GRIA2: variants seen among roughly 807,000 people sequenced by gnomAD.
GRIA2 encodes the protein glutamate receptor 2.
Under a neutral mutation model 97.3 loss-of-function variants are expected in GRIA2, and 14 were observed. The observed-to-expected ratio is 0.14, with a 90% CI of 0.10 to 0.23. The LOEUF is 0.23. Ranked by LOEUF, GRIA2 falls within the 10% of genes least tolerant of loss-of-function variation. The pLI is 1.00. For synonymous variants in GRIA2, 412 were observed against 387.8 expected (o/e 1.06, Z -0.73); for missense variants, 558 against 1,069.8 (o/e 0.52, Z 6.67).
intron 2 of GRIA2, among the ~76,000 whole-genome samples, chr4:157,234,022 T>C (rs910713396): frequency 6.6e-6 from 1 of 152,164 alleles, no homozygotes; most frequent in Admixed American, 6.6e-5. Context: ...GCTAGTATAT[T>C]TGAATAAACA....
At chr4:157,273,635 G>A (rs1235898562) in intron 2 of GRIA2, among the ~76,000 whole-genome samples, 1 of 151,936 alleles carries the variant, frequency 6.6e-6, no homozygotes, top group Non-Finnish European at 1.5e-5. Flanking sequence ...ACTGAGGAAA[G>A]AATATCTGAA....
intron 12 of GRIA2, among the ~76,000 whole-genome samples, chr4:157,344,711 G>C (rs1735698595): frequency 6.6e-6 from 1 of 151,626 alleles, no homozygotes. Context: ...TTATATTATT[G>C]TTAAATTTTC....
chr4:157,317,633 ATAAT>A, intron 4 of GRIA2, 21 bp from the exon 5 acceptor site: 1 of 851,222 alleles, frequency 1.2e-6, no homozygotes, highest in Non-Finnish European at 1.9e-6. Flanking sequence ...TATTAATTAA[ATAAT>A]TACTTATTTG....
chr4:157,314,102 A>C (rs1005419365), intron 4 of GRIA2, among the ~76,000 whole-genome samples: 1 of 152,106 alleles, frequency 6.6e-6, no homozygotes, highest in African/African-American at 2.4e-5. Flanking sequence ...GTGGAAGAAA[A>C]TCCATGTATA....
chr4:157,352,614 G>A (rs868537926), intron 12 of GRIA2, among the ~76,000 whole-genome samples: 8 of 149,838 alleles, frequency 5.3e-5, no homozygotes, highest in Non-Finnish European at 8.9e-5. Context: ...TAACTATTCC[G>A]GACACTGAGG....
At chr4:157,251,318 A>C (rs1379518266) in intron 2 of GRIA2, among the ~76,000 whole-genome samples, 25 of 152,092 alleles carry the variant, frequency 1.6e-4, no homozygotes, top group Admixed American at 1.6e-3. Context: ...TTTTTCTGAC[A>C]GGGTGGCTTA....
chr4:157,254,002 A>ACACG (rs541396994), intron 2 of GRIA2, among the ~76,000 whole-genome samples: 412 of 152,206 alleles, frequency 2.7e-3, no homozygotes, highest in Non-Finnish European at 5.0e-3. Context: ...GAGTAAAAGT[A>ACACG]CACGCACACA....
rs1453113227 is a variant in GRIA2, at chr4:157,364,547, G to A, written c.*1116G>A. The A allele has an allele frequency of 1.3e-5, 2 of 151,882 alleles. No homozygotes were observed. Among genetic ancestry groups the A allele is most frequent in the Admixed American group, 6.6e-5 (1 of 15,162 alleles). 9.4% of individuals were successfully genotyped at this position (151,882 alleles called of 1,614,324 possible). ...AGATAAATGCTAATAGATTTAAAAA[G>A]CTAATATTAACAAATACCAGAATAC... is the stretch of plus-strand genomic sequence containing the variant. On this transcript the variant is annotated 3_prime_UTR_variant, in exon 16 of 16. Transcript: ENST00000264426.
intron 3 of GRIA2, among the ~76,000 whole-genome samples, chr4:157,306,699 A>T (rs1733860847): frequency 6.6e-6 from 1 of 152,188 alleles, no homozygotes; most frequent in Admixed American, 6.5e-5. Flanking sequence ...TACTTGGCTC[A>T]TGGAAATGGA....
intron 2 of GRIA2, among the ~76,000 whole-genome samples, chr4:157,262,329 C>T (rs1015508422): frequency 4.6e-5 from 7 of 151,984 alleles, no homozygotes; most frequent in African/African-American, 1.7e-4. Flanking sequence ...CTTTATCATC[C>T]CTTGATCTCT....
At chr4:157,266,500 C>A (rs79925151) in intron 2 of GRIA2, among the ~76,000 whole-genome samples, 11 of 151,996 alleles carry the variant, frequency 7.2e-5, no homozygotes, top group Non-Finnish European at 1.3e-4. Context: ...TTATGAGGAT[C>A]TCTGTGGAAT....
In GRIA2 at chr4:157,254,558, G is replaced by T. The variant is rs180798956; in HGVS notation, c.229+32751G>T. Among the ~76,000 whole-genome samples the T allele has an allele frequency of 6.6e-5, 10 of 152,126 alleles. No individual in the cohort carries two copies. The East Asian group carries it at 1.9e-3, about 29-fold the overall frequency. ...TCAATATGAAAATGGTCAAGGTCAA[G>T]AAATGCAATAATAAGAAGAGATACA... On this transcript the variant is annotated intron_variant, in intron 2 of 15. Coordinates refer to ENST00000264426, the MANE Select transcript of GRIA2 (RefSeq NM_001083619.3).
chr4:157,281,553 G>T (rs1339586221), intron 2 of GRIA2, among the ~76,000 whole-genome samples: 1 of 151,992 alleles, frequency 6.6e-6, no homozygotes, highest in African/African-American at 2.4e-5. Context: ...TTTTTCAAGA[G>T]AATCTTCTGC....
At chr4:157,270,903 T>G (rs1731992213) in intron 2 of GRIA2, among the ~76,000 whole-genome samples, 1 of 150,478 alleles carries the variant, frequency 6.6e-6, no homozygotes, top group African/African-American at 2.5e-5. Flanking sequence ...AAAAATATTG[T>G]ACATTATTGG....
intron 12 of GRIA2, among the ~76,000 whole-genome samples, chr4:157,351,528 T>C (rs557117220): frequency 6.6e-6 from 1 of 152,320 alleles, no homozygotes; most frequent in East Asian, 1.9e-4. Context: ...TTTAAAGTCA[T>C]TGTTTTTTAA....
chr4:157,302,523 T>C (rs1733660821), intron 2 of GRIA2, among the ~76,000 whole-genome samples: 1 of 152,190 alleles, frequency 6.6e-6, no homozygotes, highest in Non-Finnish European at 1.5e-5. Flanking sequence ...TCTTTGGTAG[T>C]TCACTTAATA....
At chr4:157,317,968 C>A (rs781377604) in intron 5 of GRIA2, among the ~76,000 whole-genome samples, 5 of 151,742 alleles carry the variant, frequency 3.3e-5, no homozygotes, top group Non-Finnish European at 7.4e-5. Flanking sequence ...AGAGACAAAC[C>A]CTGTCTCAGA....
chr4:157,303,413 C>T (rs1733700397), intron 2 of GRIA2, 139 bp from the exon 3 acceptor site: 3 of 693,172 alleles, frequency 4.3e-6, no homozygotes, highest in East Asian at 5.4e-5. Context: ...TAATAAATTA[C>T]AATGGATCAT....
At chr4:157,242,016 T>C (rs951588065) in intron 2 of GRIA2, among the ~76,000 whole-genome samples, 2 of 152,140 alleles carry the variant, frequency 1.3e-5, no homozygotes, top group African/African-American at 2.4e-5. Flanking sequence ...TTGCTTTTCT[T>C]TTCTCTTTAC....
Sources: gnomAD v4.1 joint callset for allele counts (sites outside exome capture counted in the v4.1 genomes callset) on GRCh38, gnomAD v4.1.1 for gene constraint, MANE v1.5 for transcripts, NCBI Gene and HGNC (gene_info 2026-07-23, HGNC 2026-07-21) for gene names.